The following RGL1 variants were observed in gnomAD, a reference collection of about 807,000 sequenced individuals.
The protein encoded by RGL1 is ral guanine nucleotide dissociation stimulator-like 1.
RGL1 carries 24 observed loss-of-function variants against 95.2 expected under a neutral mutation model. The observed-to-expected ratio is 0.25, with a 90% CI of 0.18 to 0.35. The LOEUF (loss-of-function observed/expected upper bound fraction) is 0.35. Among genes scored for constraint, RGL1 ranks in the 10% least tolerant of loss-of-function variants. RGL1 has a pLI of 1.00. For missense variants in RGL1, 715 were observed against 936.3 expected (o/e 0.76, Z 3.08); for synonymous variants, 329 against 344.9 (o/e 0.95, Z 0.51).
chr1:183,688,801 T>A (rs918347915), intron 1 of RGL1, among the ~76,000 whole-genome samples: 1 of 152,182 alleles, frequency 6.6e-6, no homozygotes, highest in African/African-American at 2.4e-5. Context: ...GCAGACCATT[T>A]TGCTTTAGAA....
At chr1:183,825,382 A>C (rs1558230891) in intron 2 of RGL1, among the ~76,000 whole-genome samples, 1 of 152,198 alleles carries the variant, frequency 6.6e-6, no homozygotes, top group Admixed American at 6.5e-5. Flanking sequence ...AGGGGACCAA[A>C]AGGTAGAGAC....
At chr1:183,913,022 G>A (rs1397638791) in intron 15 of RGL1, among the ~76,000 whole-genome samples, 2 of 152,114 alleles carry the variant, frequency 1.3e-5, no homozygotes, top group Non-Finnish European at 2.9e-5. Context: ...GGGAAGATGA[G>A]GGATTGGTAA....
chr1:183,900,081 T>G (rs1008902348), intron 10 of RGL1, 69 bp from the exon 11 acceptor site: 2 of 1,275,448 alleles, frequency 1.6e-6, no homozygotes, highest in Non-Finnish European at 1.1e-6. Flanking sequence ...TTGCTCCAGC[T>G]TGAAGATTCC....
chr1:183,637,380 G>T (rs1410939216), intron 1 of RGL1, among the ~76,000 whole-genome samples: 1 of 152,122 alleles, frequency 6.6e-6, no homozygotes, highest in Non-Finnish European at 1.5e-5. Context: ...ATGCAGAAGG[G>T]ACTCGATACA....
At position 183,723,982 on chromosome 1, in the gene RGL1, T is replaced by C. The variant is rs10911423; in HGVS notation, c.-32-18144T>C. 2.2e-3 allele frequency among the ~76,000 whole-genome samples: 339 copies of C among 152,140 alleles called. 6 individuals carry two copies. The East Asian group carries it at 0.042, about 19-fold the overall frequency. On this transcript the variant is annotated intron_variant, in intron 1 of 18. Transcript: ENST00000304685. ...GGATACCAGCTCAGTCACAGTAGGA[T>C]AGGGCATTAGGCAGAGTTATGAAGC...
At chr1:183,762,277 G>A (rs1658709873) in intron 2 of RGL1, among the ~76,000 whole-genome samples, 2 of 152,176 alleles carry the variant, frequency 1.3e-5, no homozygotes, top group African/African-American at 4.8e-5. Flanking sequence ...TTTAAAGCAA[G>A]AGATGTGTAA....
intron 1 of RGL1, among the ~76,000 whole-genome samples, chr1:183,637,881 A>G (rs1649659233): frequency 6.6e-6 from 1 of 151,902 alleles, no homozygotes; most frequent in Non-Finnish European, 1.5e-5. Context: ...ATGGCGTTAT[A>G]TAACTTAGAA....
chr1:183,894,806 A>T (rs1359733940), intron 9 of RGL1, among the ~76,000 whole-genome samples: 2 of 152,206 alleles, frequency 1.3e-5, no homozygotes, highest in Non-Finnish European at 2.9e-5. Flanking sequence ...GGAAGATGTA[A>T]CGTGCCACTT....
chr1:183,650,279 C>A (rs1043152441), intron 1 of RGL1, among the ~76,000 whole-genome samples: 1 of 151,452 alleles, frequency 6.6e-6, no homozygotes, highest in East Asian at 1.9e-4. Flanking sequence ...CGTGGTGGCT[C>A]ACGCCTATAA....
chr1:183,905,093 T>G, intron 13 of RGL1, 122 bp downstream of exon 13: 1 of 1,271,984 alleles, frequency 7.9e-7, no homozygotes, highest in Middle Eastern at 2.1e-4. Context: ...AGGTTCCAGG[T>G]CCTTGGTTTT....
In RGL1 at chr1:183,900,075, T is replaced by G. The variant is rs1260789351; in HGVS notation, c.1231-75T>G. On this transcript the variant is annotated intron_variant, in intron 10 of 17. Coordinates refer to ENST00000360851, the MANE Select transcript of RGL1 (RefSeq NM_001297671.3). ...TTAGGCCTTGAATACATCCATTTGC[T>G]CCAGCTTGAAGATTCCTAAAACCCC... 2.0e-5 allele frequency: 24 copies of G among 1,183,590 alleles called. No homozygotes were observed. The South Asian group carries it at 2.0e-4, about 10-fold the overall frequency. The allele number at this position is 1,183,590 out of a possible 1,614,324, so 73.3% of individuals were successfully genotyped here.
At chr1:183,861,306 G>C (rs1045483303) in intron 3 of RGL1, among the ~76,000 whole-genome samples, 2 of 152,146 alleles carry the variant, frequency 1.3e-5, no homozygotes, top group African/African-American at 2.4e-5. Flanking sequence ...GGGGAGCAAA[G>C]GTTAGCAAGG....
intron 11 of RGL1, 130 bp from the exon 12 acceptor site, chr1:183,902,438 G>A (rs920997592): frequency 5.7e-5 from 35 of 609,390 alleles, no homozygotes; most frequent in African/African-American, 3.0e-4. Flanking sequence ...CACAGTAGTC[G>A]TAATTATAGG....
intron 16 of RGL1, among the ~76,000 whole-genome samples, 199 bp from the exon 17 acceptor site, chr1:183,922,023 G>A (rs867423528): frequency 3.3e-5 from 5 of 152,140 alleles, no homozygotes; most frequent in South Asian, 2.1e-4. Flanking sequence ...TAGGTGACTC[G>A]CCCATCATCT....
chr1:183,730,328 C>T (rs74489773), intron 1 of RGL1, among the ~76,000 whole-genome samples: 2,736 of 152,144 alleles, frequency 0.018, 81 homozygotes, highest in African/African-American at 0.063. Flanking sequence ...AGCCAGGGTT[C>T]CCTCCTAGAA....
chr1:183,869,028 G>T (rs1016036579), intron 4 of RGL1, among the ~76,000 whole-genome samples: 2 of 152,202 alleles, frequency 1.3e-5, no homozygotes, highest in Non-Finnish European at 2.9e-5. Flanking sequence ...TGAGGCAGGA[G>T]GATTGCTTGA....
At position 183,861,532 on chromosome 1, in the gene RGL1, A is replaced by G. The variant is rs548824162; in HGVS notation, c.348-4464A>G. ...TACTGGTTTTTTCTTTCCCTTTTCT[A>G]TTACTTTTTAGGCTGCAGTAAATAA... On this transcript the variant is annotated intron_variant, in intron 3 of 17. Coordinates refer to ENST00000360851, the MANE Select transcript of RGL1 (RefSeq NM_001297671.3). 2.6e-5 allele frequency among the ~76,000 whole-genome samples: 4 copies of G among 152,258 alleles called. No homozygotes were observed. The East Asian group carries it at 7.7e-4, about 29-fold the overall frequency.
intron 1 of RGL1, among the ~76,000 whole-genome samples, chr1:183,738,216 T>C (rs1287576361): frequency 6.6e-6 from 1 of 152,104 alleles, no homozygotes; most frequent in Non-Finnish European, 1.5e-5. Context: ...GGTCAGGAGT[T>C]CCAGACCAGC....
intron 1 of RGL1, among the ~76,000 whole-genome samples, chr1:183,703,088 G>A (rs76818881): frequency 3.3e-5 from 5 of 152,232 alleles, no homozygotes; most frequent in Non-Finnish European, 7.3e-5. Flanking sequence ...AAGTGGTCTT[G>A]TGCCTTGGGA....
Sources: gnomAD v4.1 joint callset for allele counts (sites outside exome capture counted in the v4.1 genomes callset) on GRCh38, gnomAD v4.1.1 for gene constraint, MANE v1.5 for transcripts, NCBI Gene and HGNC (gene_info 2026-07-23, HGNC 2026-07-21) for gene names.